ATG4C: variants seen among roughly 807,000 people sequenced by gnomAD.
ATG4C encodes the protein autophagy related 4C cysteine peptidase.
Under a neutral mutation model 57.6 loss-of-function variants are expected in ATG4C, and 56 were observed. The observed-to-expected ratio is 0.97, with a 90% CI of 0.78 to 1.21. The LOEUF is 1.21. Ranked by LOEUF, ATG4C falls within the 50% of genes most tolerant of loss-of-function variation. The probability of loss-of-function intolerance (pLI) is 0.00; values close to 1 mark genes in which losing one functional copy is unlikely to be tolerated. For missense variants in ATG4C, 595 were observed against 529.8 expected (o/e 1.12, Z -1.21); for synonymous variants, 157 against 174.1 (o/e 0.90, Z 0.78).
At chr1:62,786,327 A>C (rs779706814) in intron 1 of ATG4C, among the ~76,000 whole-genome samples, 2 of 152,226 alleles carry the variant, frequency 1.3e-5, no homozygotes, top group Non-Finnish European at 2.9e-5. Flanking sequence ...TAGGGAGCTT[A>C]TACTCTAGCA....
Position 62,847,307 on chromosome 1 carries a change from A to G in ATG4C, c.1209+5760A>G, listed in dbSNP as rs547983324. ...GGTGCTCAGCTCATAGTAAGTGTTC[A>G]TTTTGTTGAATGTCTGTCTGGAGCT... On this transcript the variant is annotated intron_variant, in intron 10 of 10. Transcript: ENST00000317868. Among the ~76,000 whole-genome samples, 4 of 152,242 alleles carry G rather than the reference A, an allele frequency of 2.6e-5. No homozygotes were observed. The South Asian group carries it at 6.2e-4, about 24-fold the overall frequency.
intron 6 of ATG4C, among the ~76,000 whole-genome samples, chr1:62,823,349 A>T (rs952465080): frequency 6.6e-6 from 1 of 152,174 alleles, no homozygotes; most frequent in Non-Finnish European, 1.5e-5. Flanking sequence ...CCACATATGT[A>T]CTCAAGTAGT....
At chr1:62,808,812 C>G (rs1359600262) in intron 3 of ATG4C, among the ~76,000 whole-genome samples, 1 of 152,152 alleles carries the variant, frequency 6.6e-6, no homozygotes, top group Non-Finnish European at 1.5e-5. Context: ...TTAACAGCAG[C>G]TAGTCTACAT....
At chr1:62,839,757 A>T (rs1013673157) in intron 9 of ATG4C, among the ~76,000 whole-genome samples, 43 of 152,180 alleles carry the variant, frequency 2.8e-4, no homozygotes, top group African/African-American at 1.0e-3. Context: ...AGTGCCATGG[A>T]GGTTCCAGTT....
chr1:62,796,845 C>T (rs1269993223), intron 1 of ATG4C, among the ~76,000 whole-genome samples: 1 of 152,210 alleles, frequency 6.6e-6, no homozygotes, highest in East Asian at 1.9e-4. Flanking sequence ...CGGTGGCTCA[C>T]ACCTGTAATC....
intron 9 of ATG4C, among the ~76,000 whole-genome samples, chr1:62,838,277 T>C (rs955250713): frequency 5.9e-5 from 9 of 152,144 alleles, no homozygotes; most frequent in Non-Finnish European, 1.2e-4. Flanking sequence ...TTAAAGTGCG[T>C]TTGTCAAGTA....
At chr1:62,787,446 CTTCA>C (rs201384108) in intron 1 of ATG4C, among the ~76,000 whole-genome samples, 1,805 of 152,242 alleles carry the variant, frequency 0.012, 12 homozygotes, top group Non-Finnish European at 0.018. Flanking sequence ...TAAATTCTAA[CTTCA>C]TTCATTTGGT....
chr1:62,790,591 A>G (rs531259480), intron 1 of ATG4C, among the ~76,000 whole-genome samples: 9 of 152,328 alleles, frequency 5.9e-5, no homozygotes, highest in African/African-American at 1.7e-4. Context: ...TTAGGTTCCT[A>G]CTAAATTACT....
intron 1 of ATG4C, among the ~76,000 whole-genome samples, chr1:62,792,426 G>A (rs907880341): frequency 1.3e-5 from 2 of 152,218 alleles, no homozygotes; most frequent in African/African-American, 4.8e-5. Context: ...GGGATAGGGA[G>A]GTTAGGAGGT....
rs978327852 is a variant in ATG4C at position 62,821,957 on chromosome 1, C to T, written c.796+748C>T. On this transcript the variant is annotated intron_variant, in intron 6 of 10. Transcript: ENST00000317868. The stretch of plus-strand genomic sequence containing the variant: ...ACATGCAGTCACATGTAGAATTTTT[C>T]ACTTGTGAAAAATGCTGTGCTCAAA... Among the ~76,000 whole-genome samples, 4 of 152,032 alleles carry T rather than the reference C, an allele frequency of 2.6e-5. No homozygotes were observed. In the South Asian group the frequency reaches 8.3e-4, roughly 32 times the overall value.
intron 10 of ATG4C, among the ~76,000 whole-genome samples, chr1:62,858,207 C>T (rs1666743908): frequency 6.6e-6 from 1 of 152,212 alleles, no homozygotes; most frequent in Admixed American, 6.6e-5. Context: ...GCAACAAAAT[C>T]ATTCCTAATT....
At chr1:62,796,207 G>GTTTTTTTT (rs60552573) in intron 1 of ATG4C, among the ~76,000 whole-genome samples, 13 of 91,158 alleles carry the variant, frequency 1.4e-4, no homozygotes, top group East Asian at 6.7e-4. Context: ...ATTTGTGTGG[G>GTTTTTTTT]TTTTTTTTTT....
At position 62,834,110 on chromosome 1, in the gene ATG4C, T is replaced by C. The variant is rs1381423613; in HGVS notation, c.1006T>C (p.Phe336Leu). ...KPKQSYYFAG[F>L]QDDSLIYMDP... ...TAAACAGTCATATTACTTTGCTGGA[T>C]TTCAAGGTTAGTGATTTAGTAAAAT... The change falls in exon 8 of 11, where the codon TTT (phenylalanine) becomes CTT (leucine). Residue 336 changes from phenylalanine (F) to leucine (L), a missense_variant. Transcript: ENST00000317868. The C allele has an allele frequency of 1.2e-6, 2 of 1,612,156 alleles. No homozygotes were observed. The highest frequency in any genetic ancestry group is 1.7e-6 in the Non-Finnish European group (2 of 1,178,836).
chr1:62,824,160 A>G (rs116279041), intron 6 of ATG4C, among the ~76,000 whole-genome samples: 299 of 152,290 alleles, frequency 2.0e-3, no homozygotes, highest in African/African-American at 6.9e-3. Flanking sequence ...AAGGAAAAAC[A>G]CCAAACATTT....
At chr1:62,806,788 T>A (rs6587990) in intron 3 of ATG4C, among the ~76,000 whole-genome samples, 76,558 of 151,934 alleles carry the variant, frequency 0.5, 20,000 homozygotes, top group East Asian at 0.67. Context: ...TGTAAGAGGA[T>A]TTTTTCTGGA....
intron 9 of ATG4C, among the ~76,000 whole-genome samples, chr1:62,839,190 C>G (rs1374436943): frequency 2.0e-5 from 3 of 152,182 alleles, no homozygotes; most frequent in Non-Finnish European, 4.4e-5. Flanking sequence ...TCCTAAGTAG[C>G]TGGGACTATA....
At chr1:62,815,747 C>T (rs909707975) in intron 3 of ATG4C, among the ~76,000 whole-genome samples, 2 of 152,168 alleles carry the variant, frequency 1.3e-5, no homozygotes, top group African/African-American at 2.4e-5. Context: ...TGCAGTGGCA[C>T]GATCTTGGCT....
intron 6 of ATG4C, among the ~76,000 whole-genome samples, chr1:62,822,665 T>C (rs1239272209): frequency 6.6e-6 from 1 of 152,226 alleles, no homozygotes; most frequent in Non-Finnish European, 1.5e-5. Context: ...TTTTATAGAC[T>C]ATGAGATTAG....
chr1:62,793,618 A>ACAAC lies in ATG4C; in HGVS notation c.-69+9345_-69+9346insCAAC, dbSNP rs35545126. The stretch of plus-strand genomic sequence containing the variant: ...TCTCGAAAAAAAAAAAAAAAAAAAA[A>ACAAC]AACCAAAAAAACAAACAAAAAACCA... On this transcript the variant is annotated intron_variant, in intron 1 of 10. Coordinates refer to ENST00000317868, the MANE Select transcript of ATG4C (RefSeq NM_032852.4). Among the ~76,000 whole-genome samples, 8 of 104,048 alleles carry ACAAC rather than the reference A, an allele frequency of 7.7e-5. 1 individual carries two copies. Among genetic ancestry groups the ACAAC allele is most frequent in the Admixed American group, 1.2e-4 (1 of 8,350 alleles). 68.3% of individuals were successfully genotyped at this position (104,048 alleles called of 152,430 possible). A position where few individuals can be genotyped will look rare whatever the true frequency, so the allele number is the denominator to read the frequency against.
Sources: allele counts gnomAD v4.1 joint callset (sites outside exome capture counted in the v4.1 genomes callset), GRCh38; gene constraint gnomAD v4.1.1; transcripts MANE v1.5; gene names NCBI Gene and HGNC (gene_info 2026-07-23, HGNC 2026-07-21).